Variants in CERS3 observed in about 807,000 individuals in gnomAD.
CERS3 encodes the protein LAG1 homolog, ceramide synthase 3.
CERS3 carries 33 observed loss-of-function variants against 50.3 expected under a neutral mutation model. The ratio of observed to expected loss-of-function variants is 0.66; its 90% CI spans 0.50 to 0.88. CERS3 has a LOEUF of 0.88. CERS3 is among the 40% of genes least tolerant of loss of function. The probability of loss-of-function intolerance (pLI) is 0.00; values close to 1 mark genes in which losing one functional copy is unlikely to be tolerated. For missense variants in CERS3, 470 were observed against 460.3 expected, an observed-to-expected ratio of 1.02 and a Z score of -0.19; for synonymous variants, 176 against 155.2, an observed-to-expected ratio of 1.13 and a Z score of -0.99.
intron 11 of CERS3, among the ~76,000 whole-genome samples, chr15:100,449,302 A>G (rs993364080): frequency 1.3e-5 from 2 of 152,142 alleles, no homozygotes; most frequent in Non-Finnish European, 2.9e-5. Flanking sequence ...TGCCAACACC[A>G]ATGCAGACCA....
chr15:100,432,368 T>C (rs769480707), intron 11 of CERS3, among the ~76,000 whole-genome samples: 5 of 152,168 alleles, frequency 3.3e-5, no homozygotes, highest in South Asian at 4.1e-4. Flanking sequence ...AAAAGAAATA[T>C]AACTTCCAAC....
At chr15:100,511,115 T>C (rs2411833) in intron 2 of CERS3, among the ~76,000 whole-genome samples, 136,613 of 151,894 alleles carry the variant, frequency 0.9, 61,858 homozygotes, top group Non-Finnish European at 0.96. Flanking sequence ...ATGGTGAAAC[T>C]GCATCTCCAC....
upstream of CERS3, among the ~76,000 whole-genome samples, chr15:100,533,500 CTTTCT>C (rs564377439): frequency 1.2e-4 from 18 of 151,468 alleles, no homozygotes; most frequent in African/African-American, 3.9e-4. Context: ...TTCTTTTCTC[CTTTCT>C]TTTCTTTTCT....
rs113849302 is a variant in CERS3 at position 100,475,839 on chromosome 15, T to G, written c.609+247A>C. ...AAGAAACAGACATATAAAGGAAATG[T>G]TTTTTTTCTTATTGAACAGAGGTGG... is the stretch of plus-strand genomic sequence containing the variant. On this transcript the variant is annotated intron_variant, in intron 8 of 11. Transcript: ENST00000679737. The G allele has an allele frequency of 8.8e-3, 1,886 of 214,124 alleles. 37 individuals are homozygous for G. Among genetic ancestry groups the G allele is most frequent in the African/African-American group, 0.041 (1,759 of 43,234 alleles). 13.3% of individuals were successfully genotyped at this position (214,124 alleles called of 1,614,324 possible).
chr15:100,481,935 A>T (rs779950279), intron 5 of CERS3, among the ~76,000 whole-genome samples: 6 of 152,218 alleles, frequency 3.9e-5, no homozygotes, highest in Non-Finnish European at 5.9e-5. Context: ...GTCATGTGAC[A>T]TGTGATCACA....
intron 1 of CERS3, among the ~76,000 whole-genome samples, chr15:100,522,135 A>G (rs994350859): frequency 6.6e-6 from 1 of 152,230 alleles, no homozygotes; most frequent in Non-Finnish European, 1.5e-5. Context: ...ACATTTCTCA[A>G]TATGAATTAT....
chr15:100,455,406 G>A (rs971407688), intron 11 of CERS3, among the ~76,000 whole-genome samples: 3 of 152,140 alleles, frequency 2.0e-5, no homozygotes, highest in African/African-American at 4.8e-5. Flanking sequence ...AGCAGCAGGT[G>A]ACTGTAGTTA....
intron 3 of CERS3, among the ~76,000 whole-genome samples, chr15:100,497,493 T>C (rs1244952227): frequency 5.3e-5 from 8 of 151,908 alleles, no homozygotes; most frequent in Non-Finnish European, 2.9e-5. Flanking sequence ...AAACTGGAAA[T>C]AGTTTCATAG....
At chr15:100,449,945 G>A (rs950158829) in intron 11 of CERS3, among the ~76,000 whole-genome samples, 1 of 151,958 alleles carries the variant, frequency 6.6e-6, no homozygotes, top group Non-Finnish European at 1.5e-5. Flanking sequence ...TTATATTAAA[G>A]AACCTCAGTG....
intron 1 of CERS3, among the ~76,000 whole-genome samples, chr15:100,528,491 T>G (rs116532354): frequency 3.7e-4 from 57 of 152,266 alleles, no homozygotes; most frequent in African/African-American, 1.2e-3. Context: ...TAACCCTCAA[T>G]GAATCAGTTT....
intron 11 of CERS3, among the ~76,000 whole-genome samples, chr15:100,444,936 A>T (rs886259437): frequency 6.6e-6 from 1 of 152,188 alleles, no homozygotes; most frequent in Non-Finnish European, 1.5e-5. Context: ...CAAATCAGCC[A>T]AGCGTTTTTT....
At chr15:100,524,179 ATGT>A (rs1316377806) in intron 1 of CERS3, among the ~76,000 whole-genome samples, 1 of 152,208 alleles carries the variant, frequency 6.6e-6, no homozygotes, top group Non-Finnish European at 1.5e-5. Flanking sequence ...ATGACCAGAA[ATGT>A]TGTAGAGTGT....
At chr15:100,414,814 A>G (rs1186861229) in intron 11 of CERS3, among the ~76,000 whole-genome samples, 2 of 102,032 alleles carry the variant, frequency 2.0e-5, no homozygotes, top group Non-Finnish European at 4.4e-5. Context: ...AAAACCCAAA[A>G]TGATTAAAAA....
intron 2 of CERS3, among the ~76,000 whole-genome samples, chr15:100,509,153 A>C (rs2036267887): frequency 6.6e-6 from 1 of 152,114 alleles, no homozygotes; most frequent in South Asian, 2.1e-4. Flanking sequence ...ATTCTTTTCT[A>C]ACCTCGTGGG....
chr15:100,425,815 T>C (rs2585215), intron 11 of CERS3, among the ~76,000 whole-genome samples: 143,127 of 152,156 alleles, frequency 0.94, 67,976 homozygotes, highest in East Asian at 1. Context: ...TGTCCCCACC[T>C]AAATCTCATG....
At chr15:100,518,263 G>A (rs1463120211) in intron 2 of CERS3, among the ~76,000 whole-genome samples, 1 of 152,148 alleles carries the variant, frequency 6.6e-6, no homozygotes, top group African/African-American at 2.4e-5. Context: ...CTGAGACAGA[G>A]AGAGGGACAA....
chr15:100,508,465 A>G (rs1486428712), intron 2 of CERS3, among the ~76,000 whole-genome samples: 2 of 152,198 alleles, frequency 1.3e-5, no homozygotes, highest in Non-Finnish European at 2.9e-5. Flanking sequence ...CAATACTTCA[A>G]CAATACTCAG....
At chr15:100,490,649 G>T (rs1463793780) in intron 4 of CERS3, 168 bp downstream of exon 4, 2 of 560,834 alleles carry the variant, frequency 3.6e-6, no homozygotes, top group East Asian at 6.0e-5. Context: ...ATCACACTTG[G>T]GATGTTCTAA....
At chr15:100,429,022 A>G (rs1265749973) in intron 11 of CERS3, among the ~76,000 whole-genome samples, 1 of 152,230 alleles carries the variant, frequency 6.6e-6, no homozygotes, top group African/African-American at 2.4e-5. Flanking sequence ...CAGCTAATGA[A>G]TGCTGAGAAA....
Sources: gnomAD v4.1 joint callset for allele counts (sites outside exome capture counted in the v4.1 genomes callset) on GRCh38, gnomAD v4.1.1 for gene constraint, MANE v1.5 for transcripts, NCBI Gene and HGNC (gene_info 2026-07-23, HGNC 2026-07-21) for gene names.